The following ZNF236 variants were observed in gnomAD, a reference collection of about 807,000 sequenced individuals.
ZNF236 encodes zinc finger protein 236.
In ZNF236, 50 loss-of-function variants were observed where a neutral mutation model predicts 191.2. The ratio of observed to expected loss-of-function variants is 0.26; its 90% CI spans 0.21 to 0.33. The LOEUF (loss-of-function observed/expected upper bound fraction) is 0.33. Among genes scored for constraint, ZNF236 ranks in the 10% least tolerant of loss-of-function variants. ZNF236 has a pLI of 1.00. For synonymous variants in ZNF236, 907 were observed against 928.8 expected, an observed-to-expected ratio of 0.98 and a Z score of 0.43; for missense variants, 1,754 against 2,374.5, an observed-to-expected ratio of 0.74 and a Z score of 5.43.
At chr18:76,929,664 T>A (rs898088011) in intron 25 of ZNF236, among the ~76,000 whole-genome samples, 1 of 152,252 alleles carries the variant, frequency 6.6e-6, no homozygotes, top group Admixed American at 6.5e-5. Context: ...AAACCTTAAA[T>A]GAGTTAATGA....
rs1050524562 is a variant in ZNF236 at position 76,895,461 on chromosome 18, G to T, written c.1690+176G>T. 7 of 880,792 alleles carry T rather than the reference G, an allele frequency of 7.9e-6. No individual in the cohort carries two copies. The African/African-American group carries it at 8.5e-5, about 11-fold the overall frequency. 54.6% of individuals were successfully genotyped at this position (880,792 alleles called of 1,614,324 possible). On this transcript the variant is annotated intron_variant, in intron 10 of 30. Coordinates refer to ENST00000320610, the MANE Select transcript of ZNF236 (RefSeq NM_001306089.2). ...ACAGTACTGCACGTAAGTGTGGCCC[G>T]CAATGCAGCACCCACACCGGTACTG... is the stretch of plus-strand genomic sequence containing the variant.
chr18:76,857,993 A>C (rs1350570766), intron 3 of ZNF236, among the ~76,000 whole-genome samples: 1 of 152,152 alleles, frequency 6.6e-6, no homozygotes. Flanking sequence ...TAAGATTCTA[A>C]TGATATTGTG....
chr18:76,904,764 C>T (rs946070822), intron 12 of ZNF236, among the ~76,000 whole-genome samples: 1 of 152,120 alleles, frequency 6.6e-6, no homozygotes, highest in African/African-American at 2.4e-5. Context: ...TTTGCAATTT[C>T]CAAGAAATGT....
intron 26 of ZNF236, among the ~76,000 whole-genome samples, chr18:76,947,268 G>A (rs1968286324): frequency 6.6e-6 from 1 of 151,948 alleles, no homozygotes; most frequent in African/African-American, 2.4e-5. Flanking sequence ...ATTTTCATTT[G>A]TGCATTTATC....
At chr18:76,863,813 A>G (rs777298251) in intron 3 of ZNF236, among the ~76,000 whole-genome samples, 1 of 152,230 alleles carries the variant, frequency 6.6e-6, no homozygotes, top group Non-Finnish European at 1.5e-5. Flanking sequence ...TCTTGCTAGC[A>G]GACTTACCCT....
At chr18:76,827,347 G>A (rs575099993) in intron 1 of ZNF236, among the ~76,000 whole-genome samples, 14 of 151,716 alleles carry the variant, frequency 9.2e-5, no homozygotes, top group African/African-American at 1.2e-4. Flanking sequence ...CACCATGCCC[G>A]GCTAATCTTT....
intron 9 of ZNF236, among the ~76,000 whole-genome samples, chr18:76,884,511 T>C (rs1387100427): frequency 1.3e-5 from 2 of 152,170 alleles, no homozygotes. Flanking sequence ...GAAAATGGTA[T>C]GGTATAGTGA....
At chr18:76,823,111 C>G (rs1457228989) in intron 1 of ZNF236, among the ~76,000 whole-genome samples, 1 of 151,178 alleles carries the variant, frequency 6.6e-6, no homozygotes, top group Non-Finnish European at 1.5e-5. Context: ...CCGGGCTCCT[C>G]CCGGACGGCG....
chr18:76,932,009 G>C (rs1246607168), intron 25 of ZNF236, among the ~76,000 whole-genome samples: 1 of 152,218 alleles, frequency 6.6e-6, no homozygotes, highest in African/African-American at 2.4e-5. Flanking sequence ...AGATTATAGT[G>C]TCTGCTGTGT....
chr18:76,938,293 G>A (rs1024442019), intron 26 of ZNF236, among the ~76,000 whole-genome samples: 1 of 152,150 alleles, frequency 6.6e-6, no homozygotes, highest in African/African-American at 2.4e-5. Flanking sequence ...CGGGGGCTGA[G>A]GTGGGAGGAT....
intron 1 of ZNF236, among the ~76,000 whole-genome samples, chr18:76,823,758 G>T (rs1377920767): frequency 6.6e-6 from 1 of 152,222 alleles, no homozygotes; most frequent in African/African-American, 2.4e-5. Context: ...CTTGAGGAAC[G>T]GACTTTCCTG....
intron 7 of ZNF236, among the ~76,000 whole-genome samples, chr18:76,879,386 G>T (rs1255911072): frequency 6.6e-6 from 1 of 152,140 alleles, no homozygotes; most frequent in Non-Finnish European, 1.5e-5. Flanking sequence ...TTCTGACATG[G>T]TGCATCGGTC....
rs113817245 is a variant in ZNF236 at position 76,956,014 on chromosome 18, G to T, written c.4944G>T (p.Pro1648=). The change falls in exon 28 of 31, where the codon CCG becomes CCT. Residue 1648 remains proline, a synonymous_variant. Transcript: ENST00000320610. ...CTGGCGTCTCTGGGAACCTGGCCCC[G>T]GGCAACCAGCCAGAGAAGGAGGGCC... is the stretch of plus-strand genomic sequence containing the variant. The part of the protein sequence containing the change: ...QVAGVSGNLA[P]GNQPEKEGRA... 5.5e-5 allele frequency: 89 copies of T among 1,610,292 alleles called. No individual in the cohort carries two copies. Among genetic ancestry groups the T allele is most frequent in the Non-Finnish European group, 7.5e-5 (89 of 1,179,506 alleles).
intron 25 of ZNF236, among the ~76,000 whole-genome samples, chr18:76,934,732 GC>G (rs1234874425): frequency 6.6e-6 from 1 of 152,238 alleles, no homozygotes; most frequent in Non-Finnish European, 1.5e-5. Context: ...TGACCTGGAT[GC>G]TTGGGAACGA....
chr18:76,862,903 A>T (rs1434507881), intron 3 of ZNF236, among the ~76,000 whole-genome samples: 1 of 152,260 alleles, frequency 6.6e-6, no homozygotes, highest in African/African-American at 2.4e-5. Context: ...CGGTATCAAT[A>T]TGAAGAGAGC....
chr18:76,905,449 CTT>C, intron 13 of ZNF236, 34 bp downstream of exon 13: 1 of 1,586,426 alleles, frequency 6.3e-7, no homozygotes, highest in Non-Finnish European at 8.6e-7. Flanking sequence ...TTTTTATCAT[CTT>C]TATAATTTCC....
Position 76,927,547 on chromosome 18 carries a change from ACAGCTGGAGTTT to A in ZNF236, c.4414+34_4414+45del, listed in dbSNP as rs762814822. ...GAGCCACTCACTTTTGCTTATTTTGACAGCTGGAGTTTCAGTTTCTTGCTTGTGATTACATAT... is the reference window on the plus strand; with the variant it reads ...GAGCCACTCACTTTTGCTTATTTTGACAGTTTCTTGCTTGTGATTACATAT... On this transcript the variant is annotated intron_variant, in intron 24 of 30. Transcript: ENST00000320610. The surrounding 1 kb of genome is among the most constrained non-coding windows in gnomAD (Gnocchi z 5.4). 1 of 1,588,044 alleles carries A rather than the reference ACAGCTGGAGTTT, an allele frequency of 6.3e-7. No homozygotes were observed. Among genetic ancestry groups the A allele is most frequent in the South Asian group, 1.1e-5 (1 of 87,900 alleles).
chr18:76,878,845 T>C (rs535899134), intron 7 of ZNF236, among the ~76,000 whole-genome samples: 2 of 152,386 alleles, frequency 1.3e-5, no homozygotes, highest in East Asian at 3.9e-4. Context: ...GGTTGTATTA[T>C]GTCAACAGCT....
intron 11 of ZNF236, among the ~76,000 whole-genome samples, chr18:76,902,772 G>A (rs934417045): frequency 1.4e-5 from 2 of 147,500 alleles, no homozygotes; most frequent in African/African-American, 4.9e-5. Context: ...TTTTTTTTAA[G>A]TAGAGACGGG....
Sources: allele counts gnomAD v4.1 joint callset (sites outside exome capture counted in the v4.1 genomes callset), GRCh38; gene constraint gnomAD v4.1.1; non-coding constraint Gnocchi (gnomAD v3.1); transcripts MANE v1.5; gene names NCBI Gene and HGNC (gene_info 2026-07-23, HGNC 2026-07-21).